RBM28: variants seen among roughly 807,000 people sequenced by gnomAD.
The protein encoded by RBM28 is RNA-binding protein 28.
Under a neutral mutation model 98.3 loss-of-function variants are expected in RBM28, and 78 were observed. The ratio of observed to expected loss-of-function variants is 0.79; its 90% confidence interval spans 0.66 to 0.96. The LOEUF is 0.96. RBM28 is among the 40% of genes least tolerant of loss of function. The pLI is 0.00. For synonymous variants in RBM28, 306 were observed against 330.9 expected, an observed-to-expected ratio of 0.92 and a Z score of 0.82; for missense variants, 838 against 913.0, an observed-to-expected ratio of 0.92 and a Z score of 1.06.
Position 128,339,639 on chromosome 7 carries a change from TC to T in RBM28, c.270del (p.Asn92MetfsTer25). 1 of 1,614,034 alleles carries T rather than the reference TC, an allele frequency of 6.2e-7. No homozygotes were observed. The highest frequency in any genetic ancestry group is 1.7e-5 in the Admixed American group (1 of 60,022). On this transcript the variant is annotated frameshift_variant, in exon 2 of 19. Transcript: ENST00000223073. LOFTEE classifies it high-confidence loss of function. ...KKLRNKTKEKGKNENSECPKK... is the reference protein window; with the variant it reads ...KKLRNKTKEKXKNENSECPKK... ...TCAATTACTAGAAACTCACCATTTT[TC>T]CCCTTTTCCTTTGTCTTGTTCCTCA... is the stretch of plus-strand genomic sequence containing the variant.
At chr7:128,338,855 A>G in intron 3 of RBM28, 54 bp from the exon 4 acceptor site, 1 of 1,227,730 alleles carries the variant, frequency 8.1e-7, no homozygotes, top group Non-Finnish European at 1.2e-6. Context: ...GCAAATTAAC[A>G]TAAAACATCA....
At chr7:128,329,905 A>T (rs1174423563) in intron 10 of RBM28, among the ~76,000 whole-genome samples, 3 of 150,690 alleles carry the variant, frequency 2.0e-5, no homozygotes, top group Non-Finnish European at 4.4e-5. Flanking sequence ...AAAAAAAAAA[A>T]AAAAAAAAAA....
intron 8 of RBM28, among the ~76,000 whole-genome samples, chr7:128,334,517 T>A (rs1185142959): frequency 6.6e-6 from 1 of 152,204 alleles, no homozygotes; most frequent in African/African-American, 2.4e-5. Context: ...CAAACCAACA[T>A]GTCAGACTTA....
chr7:128,334,414 G>A (rs1321811367), intron 8 of RBM28, among the ~76,000 whole-genome samples: 1 of 152,202 alleles, frequency 6.6e-6, no homozygotes, highest in Non-Finnish European at 1.5e-5. Flanking sequence ...CAGGATCTCA[G>A]AGTCCCTTCA....
In RBM28 at chr7:128,305,175, A is replaced by G. The variant is rs1420824093; in HGVS notation, c.*5622T>C. 6.6e-6 allele frequency: 1 copy of G among 151,958 alleles called. No individual in the cohort carries two copies. The highest frequency in any genetic ancestry group is 2.4e-5 in the African/African-American group (1 of 41,272). The allele number at this position is 151,958 out of a possible 1,614,324, so 9.4% of individuals were successfully genotyped here. A position where few individuals can be genotyped will look rare whatever the true frequency, so the allele number is the denominator to read the frequency against. ...AACTCTGTCTCAAAAAAAAAAAAAA[A>G]AAAAGAAAGTTCTGCATCAATCCTG... is the stretch of plus-strand genomic sequence containing the variant. On this transcript the variant is annotated 3_prime_UTR_variant, in exon 19 of 19. Transcript: ENST00000223073.
chr7:128,336,568 C>T (rs79270756), intron 6 of RBM28, among the ~76,000 whole-genome samples: 3,673 of 152,272 alleles, frequency 0.024, 133 homozygotes, highest in African/African-American at 0.084. Flanking sequence ...CACAGCCACT[C>T]CCAGGAAGGG....
rs1261294982 is a variant in RBM28, at chr7:128,310,650, G to A, written c.*147C>T. On this transcript the variant is annotated 3_prime_UTR_variant, in exon 19 of 19. Coordinates refer to ENST00000223073, the MANE Select transcript of RBM28 (RefSeq NM_018077.3). The stretch of plus-strand genomic sequence containing the variant: ...TCAAAGGATGGACCAAAGTTCAGAT[G>A]TACACAGTCCAGGGCACCTCCGAGC... 4 of 1,013,428 alleles carry A rather than the reference G, an allele frequency of 3.9e-6. No individual in the cohort carries two copies. Among genetic ancestry groups the A allele is most frequent in the Admixed American group, 1.8e-5 (1 of 55,228 alleles). 62.8% of individuals were successfully genotyped at this position (1,013,428 alleles called of 1,614,324 possible). A position where few individuals can be genotyped will look rare whatever the true frequency, so the allele number is the denominator to read the frequency against.
intron 13 of RBM28, 103 bp downstream of exon 13, chr7:128,323,424 G>T: frequency 1.5e-6 from 2 of 1,356,052 alleles, no homozygotes; most frequent in South Asian, 2.3e-5. Context: ...TATGGTCTGT[G>T]ACCATACTGG....
intron 4 of RBM28, 75 bp downstream of exon 4, chr7:128,338,651 T>C (rs768196934): frequency 4.3e-5 from 47 of 1,084,054 alleles, no homozygotes; most frequent in Non-Finnish European, 6.6e-5. Flanking sequence ...AAATACTTCA[T>C]ATATATCATA....
intron 8 of RBM28, 79 bp downstream of exon 8, chr7:128,335,464 T>G (rs1796575399): frequency 1.9e-6 from 3 of 1,555,502 alleles, no homozygotes; most frequent in Non-Finnish European, 2.6e-6. Flanking sequence ...AAAAGAGATC[T>G]AAGCAGAACT....
At position 128,338,513 on chromosome 7, in the gene RBM28, G is replaced by T. The variant is rs144386013; in HGVS notation, c.449-171C>A. Among the ~76,000 whole-genome samples the T allele has an allele frequency of 4.7e-4, 71 of 152,330 alleles. 1 individual carries two copies. The East Asian group carries it at 0.012, about 25-fold the overall frequency. On this transcript the variant is annotated intron_variant, in intron 4 of 18. Transcript: ENST00000223073. ...TTCTTACTGAGTATACTCTGACTTG[G>T]ACTTGGGGAGAGCAAAACACTTTCT...
At chr7:128,327,720 G>A (rs559386491) in intron 10 of RBM28, among the ~76,000 whole-genome samples, 47 of 152,094 alleles carry the variant, frequency 3.1e-4, no homozygotes, top group Middle Eastern at 3.4e-3. Flanking sequence ...AGCTGGTCTC[G>A]AACTCCCAAC....
Position 128,314,775 on chromosome 7 carries a change from G to T in RBM28, c.2034C>A (p.Gly678=). The T allele has an allele frequency of 6.2e-7, 1 of 1,614,206 alleles. No individual in the cohort carries two copies. Among genetic ancestry groups the T allele is most frequent in the Non-Finnish European group, 8.5e-7 (1 of 1,180,038 alleles). The part of the protein sequence containing the change: ...RKVLALPSHR[G]PKIRLRDKGK... ...CTCCTGCATCTCACCTGATTTTGGG[G>T]CCTCGGTGTGAGGGGAGCGCCAGGA... The change falls in exon 17 of 19, where the codon GGC becomes GGA. Residue 678 remains glycine, a synonymous_variant. Transcript: ENST00000223073.
In RBM28 at chr7:128,321,258, C is replaced by G; in HGVS notation, c.1563+8G>C. The G allele has an allele frequency of 6.2e-7, 1 of 1,614,100 alleles. No homozygotes were observed. Among genetic ancestry groups the G allele is most frequent in the East Asian group, 2.2e-5 (1 of 44,892 alleles). On this transcript the variant is annotated splice_region_variant and intron_variant, in intron 14 of 18. Transcript: ENST00000223073. ...GAAAGCTCCAAAATGGTCAGGGCCA[C>G]GTCTCACCTCCTTGATGCGCACCCC...
chr7:128,316,449 G>A (rs543166633), intron 16 of RBM28, among the ~76,000 whole-genome samples: 92 of 152,322 alleles, frequency 6.0e-4, no homozygotes, highest in Middle Eastern at 3.4e-3. Context: ...AGTGACTCAC[G>A]CCTGTAATCC....
At position 128,310,764 on chromosome 7, in the gene RBM28, C is replaced by A. The variant is rs992469648; in HGVS notation, c.*33G>T. ...CCCAGGAGTGTCACCAGAAAGTACA[C>A]AACCCAGCTTCTTACCCAGCCTGCT... On this transcript the variant is annotated 3_prime_UTR_variant, in exon 19 of 19. Transcript: ENST00000223073. The A allele has an allele frequency of 6.2e-7, 1 of 1,612,884 alleles. No homozygotes were observed. The highest frequency in any genetic ancestry group is 1.3e-5 in the African/African-American group (1 of 74,926).
intron 5 of RBM28, among the ~76,000 whole-genome samples, chr7:128,337,529 C>T (rs1796627674): frequency 6.6e-6 from 1 of 150,570 alleles, no homozygotes; most frequent in South Asian, 2.1e-4. Context: ...TGCACCCTAC[C>T]TGGAAGCTAG....
intron 5 of RBM28, 144 bp from the exon 6 acceptor site, chr7:128,337,346 G>T: frequency 1.2e-6 from 1 of 843,518 alleles, no homozygotes; most frequent in Non-Finnish European, 2.0e-6. Context: ...TTAAAATAAA[G>T]CTCCTAGTCA....
rs1260514551 is a variant in RBM28 at position 128,301,566 on chromosome 7, T to C, written c.*9231A>G. ...TTGGTTCCTGCTTTTGTCTCTAGCC[T>C]TCCTAGAGTAGCTCAGATCAGTTCA... On this transcript the variant is annotated 3_prime_UTR_variant, in exon 19 of 19. Transcript: ENST00000223073. 1 of 152,366 alleles carries C rather than the reference T, an allele frequency of 6.6e-6. No individual in the cohort carries two copies. The highest frequency in any genetic ancestry group is 2.4e-5 in the African/African-American group (1 of 41,460). The allele number at this position is 152,366 out of a possible 1,614,324, so 9.4% of individuals were successfully genotyped here.
Sources: gnomAD v4.1 joint callset for allele counts (sites outside exome capture counted in the v4.1 genomes callset) on GRCh38, gnomAD v4.1.1 for gene constraint, MANE v1.5 for transcripts, NCBI Gene and HGNC (gene_info 2026-07-23, HGNC 2026-07-21) for gene names.